Variants in TRIM41 observed in about 807,000 individuals in gnomAD.
TRIM41 encodes E3 ubiquitin-protein ligase TRIM41.
In TRIM41, 21 loss-of-function variants were observed where a neutral mutation model predicts 60.6. The ratio of observed to expected loss-of-function variants is 0.35; its 90% confidence interval spans 0.25 to 0.50. The LOEUF (loss-of-function observed/expected upper bound fraction) is 0.50. Among genes scored for constraint, TRIM41 ranks in the 20% least tolerant of loss-of-function variants. The probability of loss-of-function intolerance (pLI) is 0.98; values close to 1 mark genes in which losing one functional copy is unlikely to be tolerated. For missense variants in TRIM41, 846 were observed against 868.3 expected (o/e 0.97, Z 0.32); for synonymous variants, 407 against 344.9 (o/e 1.18, Z -2.00).
chr5:181,232,821 G>A lies in TRIM41; in HGVS notation c.1072G>A (p.Ala358Thr), dbSNP rs749063874. ...AAASRLAEQA[A>T]QLSRLLAEAQ... ...GGCTAGTCGCCTTGCAGAACAGGCC[G>A]CCCAGCTCAGCCGCCTGCTGGCAGA... Residue 358 changes from alanine to threonine, a missense_variant, in exon 3 of 6, where the codon GCC (alanine) becomes ACC (threonine). Physicochemically the swap from Ala to Thr is moderately conservative, Grantham distance 58 (BLOSUM62 0). Transcript: ENST00000315073. The A allele has an allele frequency of 1.6e-5, 25 of 1,574,814 alleles. No individual in the cohort carries two copies. Among genetic ancestry groups the A allele is most frequent in the Admixed American group, 5.4e-5 (3 of 55,462 alleles).
Position 181,234,418 on chromosome 5 carries a change from G to T in TRIM41, c.1536G>T (p.Lys512Asn). 15 of 1,582,892 alleles carry T rather than the reference G, an allele frequency of 9.5e-6. No homozygotes were observed. The highest frequency in any genetic ancestry group is 1.3e-5 in the Non-Finnish European group (15 of 1,164,948). Reference sequence around the variant, plus strand: ...GTGAATCAACCCATCATAAGGAAAAGGTGGGCCCTGGGGGTTCCTCCGTGG... The same window carrying T: ...GTGAATCAACCCATCATAAGGAAAATGTGGGCCCTGGGGGTTCCTCCGTGG... ...AARESTHHKEKVGPGGSSVGS... is the reference protein window; with the variant it reads ...AARESTHHKENVGPGGSSVGS... Residue 512 changes from lysine (K) to asparagine (N), a missense_variant, in exon 6 of 6, where the codon AAG becomes AAT. Lys to Asn is a moderately conservative substitution (Grantham distance 94, BLOSUM62 0). Coordinates refer to ENST00000315073, the MANE Select transcript of TRIM41 (RefSeq NM_033549.5). The surrounding 1 kb of genome is among the most constrained non-coding windows in gnomAD (Gnocchi z 5.6).
In TRIM41 at chr5:181,233,973, AG is replaced by A. The variant is rs1758927165; in HGVS notation, c.1292-200del. The A allele has an allele frequency of 8.6e-7, 1 of 1,168,246 alleles. No homozygotes were observed. The highest frequency in any genetic ancestry group is 1.2e-6 in the Non-Finnish European group (1 of 827,620). 72.4% of individuals were successfully genotyped at this position (1,168,246 alleles called of 1,614,324 possible). On this transcript the variant is annotated intron_variant, in intron 5 of 5. Coordinates refer to ENST00000315073, the MANE Select transcript of TRIM41 (RefSeq NM_033549.5). The surrounding 1 kb of genome is among the most constrained non-coding windows in gnomAD (Gnocchi z 4.1). ...TGGGGTGGGGTGGAGTGGCAGGAAGAGCCAGGCTGGGGGAAGACCTGTCAGG... is the reference window on the plus strand; with the variant it reads ...TGGGGTGGGGTGGAGTGGCAGGAAGACCAGGCTGGGGGAAGACCTGTCAGG...
In TRIM41 at chr5:181,235,294, A is replaced by G. The variant is rs200982202; in HGVS notation, c.*519A>G. The G allele has an allele frequency of 7.7e-5, 124 of 1,613,804 alleles. No homozygotes were observed. The Middle Eastern group carries it at 8.2e-4, about 11-fold the overall frequency. ...GGGTAGAGCTGGGTAATAAATGTCT[A>G]TTCTCCTGGGGAGGAGGGATTCTAA... is the stretch of plus-strand genomic sequence containing the variant. On this transcript the variant is annotated 3_prime_UTR_variant, in exon 6 of 6. Transcript: ENST00000315073.
At position 181,233,991 on chromosome 5, in the gene TRIM41, C is replaced by G. The variant is rs1324283218; in HGVS notation, c.1292-183C>G. On this transcript the variant is annotated intron_variant, in intron 5 of 5. Transcript: ENST00000315073. This position sits in a 1 kb window ranked among gnomAD's most constrained non-coding sequence, Gnocchi z 4.1. ...CAGGAAGAGCCAGGCTGGGGGAAGA[C>G]CTGTCAGGTATCCTAGGAACAAGAG... The G allele has an allele frequency of 8.3e-7, 1 of 1,208,838 alleles. No homozygotes were observed. The allele number at this position is 1,208,838 out of a possible 1,614,324, so 74.9% of individuals were successfully genotyped here. A position where few individuals can be genotyped will look rare whatever the true frequency, so the allele number is the denominator to read the frequency against.
rs1759053343 is a variant in TRIM41, at chr5:181,235,316, C to G, written c.*541C>G. 4 of 1,614,134 alleles carry G rather than the reference C, an allele frequency of 2.5e-6. No homozygotes were observed. Among genetic ancestry groups the G allele is most frequent in the Non-Finnish European group, 3.4e-6 (4 of 1,180,020 alleles). On this transcript the variant is annotated 3_prime_UTR_variant, in exon 6 of 6. Coordinates refer to ENST00000315073, the MANE Select transcript of TRIM41 (RefSeq NM_033549.5). ...TCTATTCTCCTGGGGAGGAGGGATT[C>G]TAAACTTTCCTTCCGTCCTCAATTT... is the stretch of plus-strand genomic sequence containing the variant.
At chr5:181,226,459 A>C (rs1179451891) in intron 1 of TRIM41, 6 of 152,232 alleles carry the variant, frequency 3.9e-5, no homozygotes, top group Non-Finnish European at 8.8e-5. Flanking sequence ...GAGGTTTTCA[A>C]AAATACAGTG....
At chr5:181,228,945 A>AC (rs1473131043) in intron 1 of TRIM41, 1 of 151,674 alleles carries the variant, frequency 6.6e-6, no homozygotes, top group Non-Finnish European at 1.5e-5. Context: ...AAAAAAAAAA[A>AC]AAAAAAAAAA....
At chr5:181,229,304 A>C (rs1393434490) in intron 1 of TRIM41, 2 of 152,216 alleles carry the variant, frequency 1.3e-5, no homozygotes, top group Non-Finnish European at 2.9e-5. Context: ...TTCTCTTCTT[A>C]TTTGAAGCTG....
At position 181,233,993 on chromosome 5, in the gene TRIM41, T is replaced by C; in HGVS notation, c.1292-181T>C. On this transcript the variant is annotated intron_variant, in intron 5 of 5. Coordinates refer to ENST00000315073, the MANE Select transcript of TRIM41 (RefSeq NM_033549.5). The surrounding 1 kb of genome is among the most constrained non-coding windows in gnomAD (Gnocchi z 4.1). Reference sequence around the variant, plus strand: ...GGAAGAGCCAGGCTGGGGGAAGACCTGTCAGGTATCCTAGGAACAAGAGTG... The same window carrying C: ...GGAAGAGCCAGGCTGGGGGAAGACCCGTCAGGTATCCTAGGAACAAGAGTG... 2 of 1,222,056 alleles carry C rather than the reference T, an allele frequency of 1.6e-6. No homozygotes were observed. The highest frequency in any genetic ancestry group is 2.3e-6 in the Non-Finnish European group (2 of 871,722). 75.7% of individuals were successfully genotyped at this position (1,222,056 alleles called of 1,614,324 possible).
Position 181,234,853 on chromosome 5 carries a change from CTCAA to C in TRIM41, c.*79_*82del. The C allele has an allele frequency of 6.2e-7, 1 of 1,609,706 alleles. No individual in the cohort carries two copies. The highest frequency in any genetic ancestry group is 8.5e-7 in the Non-Finnish European group (1 of 1,178,686). The stretch of plus-strand genomic sequence containing the variant: ...GGAGGGTGGCCCGTAAGTTTGAGGG[CTCAA>C]AGGCTCTTCCCACTGCTTGTTACTG... On this transcript the variant is annotated 3_prime_UTR_variant, in exon 6 of 6. Coordinates refer to ENST00000315073, the MANE Select transcript of TRIM41 (RefSeq NM_033549.5). This position sits in a 1 kb window ranked among gnomAD's most constrained non-coding sequence, Gnocchi z 5.6.
In TRIM41 at chr5:181,234,486, G is replaced by T. The variant is rs752692102; in HGVS notation, c.1604G>T (p.Arg535Leu). 6.2e-7 allele frequency: 1 copy of T among 1,613,616 alleles called. No individual in the cohort carries two copies. Among genetic ancestry groups the T allele is most frequent in the Non-Finnish European group, 8.5e-7 (1 of 1,179,742 alleles). Residue 535 changes from arginine to leucine, a missense_variant, in exon 6 of 6, where the codon CGC becomes CTC. Coordinates refer to ENST00000315073, the MANE Select transcript of TRIM41 (RefSeq NM_033549.5). The surrounding 1 kb of genome is among the most constrained non-coding windows in gnomAD (Gnocchi z 5.6). ...TCCTCGCGCCATCACCATCGCCGCCGCCGGCTCCACCTGCCCCAGCAGCCC... is the reference window on the plus strand; with the variant it reads ...TCCTCGCGCCATCACCATCGCCGCCTCCGGCTCCACCTGCCCCAGCAGCCC... ...ASSSRHHHRR[R>L]RLHLPQQPLL...
rs758265545 is a variant in TRIM41 at position 181,234,368 on chromosome 5, CGGGGCTGGGCGGT to C, written c.1490_1502del (p.Gly497ValfsTer70). The C allele has an allele frequency of 1.9e-6, 3 of 1,552,494 alleles. No homozygotes were observed. Among genetic ancestry groups the C allele is most frequent in the South Asian group, 1.2e-5 (1 of 84,576 alleles). ...CTGGGAGGTAGAGGTGGGCGGGCGGCGGGGCTGGGCGGTGGGTGCTGCCCGTGAATCAACCCAT... is the reference window on the plus strand; with the variant it reads ...CTGGGAGGTAGAGGTGGGCGGGCGGCGGGTGCTGCCCGTGAATCAACCCAT... On this transcript the variant is annotated frameshift_variant, in exon 6 of 6. Transcript: ENST00000315073. LOFTEE classifies it high-confidence loss of function. The surrounding 1 kb of genome is among the most constrained non-coding windows in gnomAD (Gnocchi z 5.6).
At chr5:181,230,388 T>C (rs111579865) in intron 1 of TRIM41, 1,694 of 164,192 alleles carry the variant, frequency 0.01, 24 homozygotes, top group African/African-American at 0.039. Flanking sequence ...TACCAGCTAC[T>C]GGGAAGGCTG....
In TRIM41 at chr5:181,234,897, C is replaced by T; in HGVS notation, c.*122C>T. Reference sequence around the variant, plus strand: ...GCTTGTTACTGTGTTGCTTCCCACTCCCCCTTGACCCCAGGCCCCTGCTTC... The same window carrying T: ...GCTTGTTACTGTGTTGCTTCCCACTTCCCCTTGACCCCAGGCCCCTGCTTC... On this transcript the variant is annotated 3_prime_UTR_variant, in exon 6 of 6. Transcript: ENST00000315073. This position sits in a 1 kb window ranked among gnomAD's most constrained non-coding sequence, Gnocchi z 5.6. The T allele has an allele frequency of 6.2e-7, 1 of 1,612,510 alleles. No individual in the cohort carries two copies. Among genetic ancestry groups the T allele is most frequent in the South Asian group, 1.1e-5 (1 of 91,044 alleles).
Position 181,233,947 on chromosome 5 carries a change from G to T in TRIM41, c.1291+184G>T, listed in dbSNP as rs1431384074. 1 of 1,172,958 alleles carries T rather than the reference G, an allele frequency of 8.5e-7. No homozygotes were observed. Among genetic ancestry groups the T allele is most frequent in the Non-Finnish European group, 1.2e-6 (1 of 829,236 alleles). The allele number at this position is 1,172,958 out of a possible 1,614,324, so 72.7% of individuals were successfully genotyped here. A position where few individuals can be genotyped will look rare whatever the true frequency, so the allele number is the denominator to read the frequency against. The stretch of plus-strand genomic sequence containing the variant: ...GACCTAGTGCAGGCAGGCCTGGAGG[G>T]TGGGGTGGGGTGGAGTGGCAGGAAG... On this transcript the variant is annotated intron_variant, in intron 5 of 5. Transcript: ENST00000315073. The surrounding 1 kb of genome is among the most constrained non-coding windows in gnomAD (Gnocchi z 4.1).
At position 181,224,258 on chromosome 5, in the gene TRIM41, C is replaced by G; in HGVS notation, c.259C>G (p.Arg87Gly). The change falls in exon 1 of 6, where the codon CGG becomes GGG. Residue 87 changes from arginine (R) to glycine (G), a missense_variant. By Grantham distance (125) the Arg-to-Gly change is moderately radical. Coordinates refer to ENST00000315073, the MANE Select transcript of TRIM41 (RefSeq NM_033549.5). ...TGGCGCGGGGTGGGACACCCCCATG[C>G]GGGATGAAGACTACGAGGGTGACAT... ...GAGAGWDTPM[R>G]DEDYEGDMEE... 1 of 1,613,336 alleles carries G rather than the reference C, an allele frequency of 6.2e-7. No individual in the cohort carries two copies. The highest frequency in any genetic ancestry group is 8.5e-7 in the Non-Finnish European group (1 of 1,179,798).
rs767418542 is a variant in TRIM41, at chr5:181,230,733, T to C, written c.814-11T>C. On this transcript the variant is annotated splice_polypyrimidine_tract_variant and intron_variant, in intron 1 of 5. Coordinates refer to ENST00000315073, the MANE Select transcript of TRIM41 (RefSeq NM_033549.5). ...CTCCCAGCCCCCACTTTTCTTTTTC[T>C]GTTTCCTCAGGCCAAACTGCAGGGG... The C allele has an allele frequency of 3.8e-5, 61 of 1,611,684 alleles. No homozygotes were observed. The highest frequency in any genetic ancestry group is 4.9e-5 in the Non-Finnish European group (58 of 1,178,518).
Position 181,234,100 on chromosome 5 carries a change from A to C in TRIM41, c.1292-74A>C, listed in dbSNP as rs2113188555. 1 of 1,598,498 alleles carries C rather than the reference A, an allele frequency of 6.3e-7. No individual in the cohort carries two copies. Among genetic ancestry groups the C allele is most frequent in the African/African-American group, 1.3e-5 (1 of 74,988 alleles). ...CTGGATTCAGGGAGAAAGGGGGCCC[A>C]ATCTGTGGAGTTGGCTGCTGACAGG... On this transcript the variant is annotated intron_variant, in intron 5 of 5. Transcript: ENST00000315073. The surrounding 1 kb of genome is among the most constrained non-coding windows in gnomAD (Gnocchi z 5.6).
Position 181,223,796 on chromosome 5 carries a change from C to G in TRIM41, c.-204C>G, listed in dbSNP as rs1403578142. ...GGTGGCGCCCAGCACTGTCCCCTCC[C>G]CTCGTAGAGACACGGTTGTCGTTTG... is the stretch of plus-strand genomic sequence containing the variant. On this transcript the variant is annotated 5_prime_UTR_variant, in exon 1 of 6. Transcript: ENST00000315073. 1 of 624,128 alleles carries G rather than the reference C, an allele frequency of 1.6e-6. No individual in the cohort carries two copies. Among genetic ancestry groups the G allele is most frequent in the East Asian group, 2.7e-5 (1 of 36,462 alleles). 38.7% of individuals were successfully genotyped at this position (624,128 alleles called of 1,614,324 possible).
Sources: allele counts gnomAD v4.1 joint callset, GRCh38; gene constraint gnomAD v4.1.1; non-coding constraint Gnocchi (gnomAD v3.1); transcripts MANE v1.5; gene names NCBI Gene and HGNC (gene_info 2026-07-23, HGNC 2026-07-21).